Variants in FARS2 observed in about 807,000 individuals in gnomAD.
FARS2 encodes phenylalanine--tRNA ligase, mitochondrial.
In FARS2, 40 loss-of-function variants were observed where a neutral mutation model predicts 46.4. The ratio of observed to expected loss-of-function variants is 0.86; its 90% confidence interval spans 0.67 to 1.12. The LOEUF is 1.12. Ranked by LOEUF, FARS2 falls within the 50% of genes most tolerant of loss-of-function variation. The pLI is 0.00. For synonymous variants in FARS2, 234 were observed against 214.9 expected (o/e 1.09, Z -0.78); for missense variants, 513 against 567.9 (o/e 0.90, Z 0.98).
intron 2 of FARS2, among the ~76,000 whole-genome samples, chr6:5,371,631 G>A (rs568678377): frequency 6.6e-6 from 1 of 152,226 alleles, no homozygotes; most frequent in Non-Finnish European, 1.5e-5. Context: ...AGTCTGCTAA[G>A]GCTCTTGTCA....
At chr6:5,282,605 C>T (rs1366248545) in intron 1 of FARS2, among the ~76,000 whole-genome samples, 1 of 152,178 alleles carries the variant, frequency 6.6e-6, no homozygotes, top group Non-Finnish European at 1.5e-5. Context: ...GATTTAGTCC[C>T]TGGAAGAGAA....
chr6:5,289,698 C>T (rs1270981469), intron 1 of FARS2, among the ~76,000 whole-genome samples: 1 of 152,086 alleles, frequency 6.6e-6, no homozygotes, highest in Non-Finnish European at 1.5e-5. Context: ...AGGTTATACT[C>T]CAGTGCAAAT....
chr6:5,349,884 T>G (rs960722715), intron 1 of FARS2, among the ~76,000 whole-genome samples: 1 of 151,624 alleles, frequency 6.6e-6, no homozygotes, highest in Admixed American at 6.6e-5. Context: ...GTTATATGTT[T>G]TTTTTTTTTT....
intron 3 of FARS2, among the ~76,000 whole-genome samples, chr6:5,408,629 A>C (rs986970398): frequency 1.3e-5 from 2 of 152,184 alleles, no homozygotes; most frequent in Non-Finnish European, 2.9e-5. Context: ...TTCACTCAAG[A>C]ATAAAACAAG....
rs1756990440 is a variant in FARS2, at chr6:5,343,168, CTG to C, written c.-21-25380_-21-25379del. Among the ~76,000 whole-genome samples the C allele has an allele frequency of 6.6e-6, 1 of 152,172 alleles. No homozygotes were observed. Among genetic ancestry groups the C allele is most frequent in the Non-Finnish European group, 1.5e-5 (1 of 68,024 alleles). On this transcript the variant is annotated intron_variant, in intron 1 of 6. Coordinates refer to ENST00000274680, the MANE Select transcript of FARS2 (RefSeq NM_006567.5). This position sits in a 1 kb window ranked among gnomAD's most constrained non-coding sequence, Gnocchi z 4.5. The stretch of plus-strand genomic sequence containing the variant: ...AGAGATGGTACTACTGCTGACAAAA[CTG>C]TTGTTTATTACTGTAGACAAAACTG...
At chr6:5,259,746 A>T (rs1764884027), upstream of FARS2, among the ~76,000 whole-genome samples, 2 of 152,194 alleles carry the variant, frequency 1.3e-5, no homozygotes, top group African/African-American at 2.4e-5. Context: ...ATCCAACCAG[A>T]TTCTTTCTCA....
At chr6:5,662,920 A>G (rs1309623252) in intron 6 of FARS2, among the ~76,000 whole-genome samples, 3 of 152,228 alleles carry the variant, frequency 2.0e-5, no homozygotes, top group African/African-American at 7.2e-5. Context: ...ATTAGTTTGC[A>G]TAAAGCTCTT....
At chr6:5,634,970 A>G (rs1034182453) in intron 6 of FARS2, among the ~76,000 whole-genome samples, 1 of 152,226 alleles carries the variant, frequency 6.6e-6, no homozygotes, top group African/African-American at 2.4e-5. Context: ...GGAATGGAAT[A>G]TGAAGTCTTT....
rs534375923 is a variant in FARS2, at chr6:5,444,277, A to G, written c.904+13105A>G. On this transcript the variant is annotated intron_variant, in intron 4 of 6. Coordinates refer to ENST00000274680, the MANE Select transcript of FARS2 (RefSeq NM_006567.5). ...AGGTCAGGAGTTCGCGACCAGCCTGACCAACATGGTGAAGCCCCGTCTCTA... is the reference window on the plus strand; with the variant it reads ...AGGTCAGGAGTTCGCGACCAGCCTGGCCAACATGGTGAAGCCCCGTCTCTA... Among the ~76,000 whole-genome samples, 9 of 152,054 alleles carry G rather than the reference A, an allele frequency of 5.9e-5. No homozygotes were observed. The South Asian group carries it at 8.3e-4, about 14-fold the overall frequency.
chr6:5,726,663 A>G (rs1212986081), intron 6 of FARS2, among the ~76,000 whole-genome samples: 10 of 152,256 alleles, frequency 6.6e-5, no homozygotes, highest in Non-Finnish European at 1.2e-4. Flanking sequence ...CTCGGAGACC[A>G]CAACTGCAGA....
intron 4 of FARS2, among the ~76,000 whole-genome samples, chr6:5,518,029 A>T (rs1280955350): frequency 6.6e-6 from 1 of 152,184 alleles, no homozygotes; most frequent in African/African-American, 2.4e-5. Context: ...GATTCAGAAT[A>T]AGGTGTTTAA....
Position 5,613,155 on chromosome 6 carries a change from T to C in FARS2, c.1066-14T>C. On this transcript the variant is annotated splice_polypyrimidine_tract_variant and intron_variant, in intron 5 of 6. Transcript: ENST00000274680. ...TAACAAGTTCATGTATCTTTTCTCC[T>C]CTTGTTTTGTTAGCCTCTTAGCAAA... 2 of 1,608,152 alleles carry C rather than the reference T, an allele frequency of 1.2e-6. No individual in the cohort carries two copies. Among genetic ancestry groups the C allele is most frequent in the Non-Finnish European group, 1.7e-6 (2 of 1,177,092 alleles).
chr6:5,682,963 G>A (rs1423425130), intron 6 of FARS2, among the ~76,000 whole-genome samples: 1 of 152,230 alleles, frequency 6.6e-6, no homozygotes, highest in African/African-American at 2.4e-5. Context: ...GGAACAGCAC[G>A]TGCAAAGGCA....
chr6:5,754,619 C>T (rs989989338), intron 6 of FARS2, among the ~76,000 whole-genome samples: 7 of 152,206 alleles, frequency 4.6e-5, no homozygotes, highest in African/African-American at 1.7e-4. Flanking sequence ...ATGTGAGTTG[C>T]AGACCTTTTC....
intron 6 of FARS2, among the ~76,000 whole-genome samples, chr6:5,725,266 G>A (rs970662827): frequency 6.6e-6 from 1 of 152,236 alleles, no homozygotes; most frequent in Admixed American, 6.5e-5. Flanking sequence ...GTGTATGGAG[G>A]AAGGTGAAAG....
At chr6:5,496,393 T>A (rs1405160697) in intron 4 of FARS2, among the ~76,000 whole-genome samples, 2 of 152,194 alleles carry the variant, frequency 1.3e-5, no homozygotes, top group Non-Finnish European at 2.9e-5. Context: ...TTTGGGAAAT[T>A]AGTGAATTTG....
Position 5,294,554 on chromosome 6 carries a change from C to T in FARS2, c.-22+32894C>T, listed in dbSNP as rs1377152579. On this transcript the variant is annotated intron_variant, in intron 1 of 6. Coordinates refer to ENST00000274680, the MANE Select transcript of FARS2 (RefSeq NM_006567.5). ...CAGGTTGAGGGCCCAGTCCCCATGA[C>T]TGTCCCCCTCGCTCCCTGACAGTCA... is the stretch of plus-strand genomic sequence containing the variant. Among the ~76,000 whole-genome samples the T allele has an allele frequency of 1.3e-5, 2 of 152,224 alleles. 1 individual carries two copies. The highest frequency in any genetic ancestry group is 2.9e-5 in the Non-Finnish European group (2 of 68,042).
intron 1 of FARS2, among the ~76,000 whole-genome samples, chr6:5,313,654 A>C (rs145570142): frequency 1.3e-5 from 2 of 152,194 alleles, no homozygotes; most frequent in East Asian, 3.9e-4. Flanking sequence ...GTTTGGAGGG[A>C]GGGAACAGCC....
At chr6:5,308,668 T>C (rs1469909989) in intron 1 of FARS2, among the ~76,000 whole-genome samples, 1 of 152,236 alleles carries the variant, frequency 6.6e-6, no homozygotes, top group East Asian at 1.9e-4. Flanking sequence ...CCCACTTTGA[T>C]AGCCTTGGCT....
Sources: gnomAD v4.1 joint callset for allele counts (sites outside exome capture counted in the v4.1 genomes callset) on GRCh38, gnomAD v4.1.1 for gene constraint, Gnocchi (gnomAD v3.1) non-coding constraint, MANE v1.5 for transcripts, NCBI Gene and HGNC (gene_info 2026-07-23, HGNC 2026-07-21) for gene names.